MYT1L: variants seen among roughly 807,000 people sequenced by gnomAD.
MYT1L encodes myelin transcription factor 1-like protein.
A neutral mutation model predicts 126.7 loss-of-function variants in MYT1L; 12 were observed. That is an observed-to-expected ratio of 0.09 (90% confidence interval 0.06 to 0.15). The LOEUF (loss-of-function observed/expected upper bound fraction) is 0.15. Ranked by LOEUF, MYT1L falls within the 10% of genes least tolerant of loss-of-function variation. The probability of loss-of-function intolerance (pLI) is 1.00; values close to 1 mark genes in which losing one functional copy is unlikely to be tolerated. For synonymous variants in MYT1L, 541 were observed against 604.2 expected, an observed-to-expected ratio of 0.90 and a Z score of 1.53; for missense variants, 979 against 1,585.2, an observed-to-expected ratio of 0.62 and a Z score of 6.49.
chr2:2,096,293 A>C (rs2077461694), intron 3 of MYT1L, among the ~76,000 whole-genome samples: 1 of 152,224 alleles, frequency 6.6e-6, no homozygotes, highest in South Asian at 2.1e-4. Context: ...AGGGACATGC[A>C]CACAGACAGC....
rs1396379531 is a variant in MYT1L, at chr2:1,790,586, T to TG, written c.*1280dup. The TG allele has an allele frequency of 6.6e-6, 1 of 152,300 alleles. No homozygotes were observed. The highest frequency in any genetic ancestry group is 2.4e-5 in the African/African-American group (1 of 41,470). 9.4% of individuals were successfully genotyped at this position (152,300 alleles called of 1,614,324 possible). A position where few individuals can be genotyped will look rare whatever the true frequency, so the allele number is the denominator to read the frequency against. The stretch of plus-strand genomic sequence containing the variant: ...CACAAGAAATCAAACAATGAGGCTC[T>TG]GCAAATGCTCTATGGTCAACTGGTC... On this transcript the variant is annotated 3_prime_UTR_variant, in exon 25 of 25. Transcript: ENST00000647738.
chr2:2,055,787 C>T (rs933251161), intron 3 of MYT1L, among the ~76,000 whole-genome samples: 24 of 152,278 alleles, frequency 1.6e-4, no homozygotes, highest in African/African-American at 5.5e-4. Flanking sequence ...AATATTATTA[C>T]GTTAATTTAC....
chr2:1,960,922 A>T (rs1001826129), intron 8 of MYT1L, among the ~76,000 whole-genome samples: 1 of 152,216 alleles, frequency 6.6e-6, no homozygotes, highest in Admixed American at 6.5e-5. Context: ...CTTCCAGTGC[A>T]TGTGTGCATC....
At chr2:1,916,720 C>T (rs1337804642) in intron 11 of MYT1L, among the ~76,000 whole-genome samples, 1 of 152,156 alleles carries the variant, frequency 6.6e-6, no homozygotes, top group African/African-American at 2.4e-5. Context: ...ATGAGACAGA[C>T]TTTACAGGTG....
chr2:2,064,413 G>C (rs77781657), intron 3 of MYT1L, among the ~76,000 whole-genome samples: 1 of 152,176 alleles, frequency 6.6e-6, no homozygotes, highest in South Asian at 2.1e-4. Flanking sequence ...GGAGAACATG[G>C]GGAAGTGAAG....
intron 5 of MYT1L, among the ~76,000 whole-genome samples, chr2:1,982,668 G>T (rs1359582703): frequency 6.6e-6 from 1 of 152,206 alleles, no homozygotes; most frequent in South Asian, 2.1e-4. Context: ...TGTTCCAGGA[G>T]AGACAAAGCT....
At chr2:1,959,758 T>C (rs1272794119) in intron 8 of MYT1L, among the ~76,000 whole-genome samples, 1 of 152,186 alleles carries the variant, frequency 6.6e-6, no homozygotes, top group Non-Finnish European at 1.5e-5. Context: ...GCACATTCTT[T>C]GAATCAGCTC....
chr2:1,849,350 A>ATT (rs113918815), intron 19 of MYT1L, among the ~76,000 whole-genome samples: 4 of 151,570 alleles, frequency 2.6e-5, no homozygotes, highest in East Asian at 1.9e-4. Flanking sequence ...AGTTTTACAA[A>ATT]TTTTTTTTTA....
rs909701580 is a variant in MYT1L, at chr2:1,912,525, C to T, written c.1619-415G>A. Among the ~76,000 whole-genome samples the T allele has an allele frequency of 2.0e-5, 3 of 152,158 alleles. No individual in the cohort carries two copies. The highest frequency in any genetic ancestry group is 4.4e-5 in the Non-Finnish European group (3 of 68,034). Reference sequence around the variant, plus strand: ...GCACAAGCATGGAGTATTGATTAGCCATAGAACAACACAGAGGCTGGGGAT... The same window carrying T: ...GCACAAGCATGGAGTATTGATTAGCTATAGAACAACACAGAGGCTGGGGAT... On this transcript the variant is annotated intron_variant, in intron 11 of 24. Transcript: ENST00000647738. This position sits in a 1 kb window ranked among gnomAD's most constrained non-coding sequence, Gnocchi z 4.3.
At chr2:2,016,060 G>A (rs1451266755) in intron 4 of MYT1L, among the ~76,000 whole-genome samples, 2 of 152,214 alleles carry the variant, frequency 1.3e-5, no homozygotes, top group Non-Finnish European at 2.9e-5. Context: ...ACTTAGGAAG[G>A]AAGATTTGCA....
chr2:2,163,258 C>A (rs547197662), intron 3 of MYT1L, among the ~76,000 whole-genome samples: 3 of 152,236 alleles, frequency 2.0e-5, no homozygotes, highest in Non-Finnish European at 1.5e-5. Context: ...GAGGTGGGGG[C>A]CTTCATCACC....
chr2:1,840,865 G>A (rs1451767596), intron 19 of MYT1L, 22 bp from the exon 20 acceptor site: 1 of 1,461,346 alleles, frequency 6.8e-7, no homozygotes, highest in South Asian at 1.2e-5. Flanking sequence ...ACACATTTCA[G>A]AAAGCACCCC....
intron 8 of MYT1L, among the ~76,000 whole-genome samples, chr2:1,977,898 T>C (rs1428868826): frequency 6.6e-6 from 1 of 152,226 alleles, no homozygotes; most frequent in Non-Finnish European, 1.5e-5. Flanking sequence ...TTAAGTAAAC[T>C]ACTTATTTCA....
At chr2:1,870,653 G>T (rs2046166220) in intron 18 of MYT1L, among the ~76,000 whole-genome samples, 2 of 152,252 alleles carry the variant, frequency 1.3e-5, no homozygotes, top group South Asian at 4.1e-4. Context: ...GCTGTTGTAG[G>T]CAGAACTCCA....
At chr2:2,283,555 C>T (rs906033695) in intron 2 of MYT1L, among the ~76,000 whole-genome samples, 1 of 152,094 alleles carries the variant, frequency 6.6e-6, no homozygotes, top group Non-Finnish European at 1.5e-5. Flanking sequence ...CTCAGTCTTG[C>T]TGGAAATTAA....
At chr2:1,963,038 C>T (rs1391730499) in intron 8 of MYT1L, among the ~76,000 whole-genome samples, 1 of 152,222 alleles carries the variant, frequency 6.6e-6, no homozygotes, top group Non-Finnish European at 1.5e-5. Flanking sequence ...AGGAATCACT[C>T]TCTATGGCAG....
At chr2:2,207,346 A>G (rs370572133) in intron 2 of MYT1L, among the ~76,000 whole-genome samples, 1 of 152,172 alleles carries the variant, frequency 6.6e-6, no homozygotes, top group African/African-American at 2.4e-5. Context: ...CACTGATTAG[A>G]AGCTGCCTTT....
In MYT1L at chr2:1,832,659, C is replaced by T. The variant is rs184283362; in HGVS notation, c.3080+6490G>A. ...GCCCGTCCATTCCAGCTCTCCTCCG[C>T]GGCCACCAAGGTGGTGCATTCAAAG... On this transcript the variant is annotated intron_variant, in intron 21 of 24. Transcript: ENST00000647738. Among the ~76,000 whole-genome samples the T allele has an allele frequency of 1.5e-3, 227 of 152,304 alleles. 1 individual carries two copies. Among genetic ancestry groups the T allele is most frequent in the Admixed American group, 3.7e-3 (56 of 15,304 alleles).
At chr2:2,322,862 A>G (rs886238490) in intron 1 of MYT1L, among the ~76,000 whole-genome samples, 1 of 152,230 alleles carries the variant, frequency 6.6e-6, no homozygotes, top group Non-Finnish European at 1.5e-5. Context: ...ACTTTTCTCT[A>G]GGTAAGATTT....
Sources: allele counts gnomAD v4.1 joint callset (sites outside exome capture counted in the v4.1 genomes callset), GRCh38; gene constraint gnomAD v4.1.1; non-coding constraint Gnocchi (gnomAD v3.1); transcripts MANE v1.5; gene names NCBI Gene and HGNC (gene_info 2026-07-23, HGNC 2026-07-21).